The following RBFOX1 variants were observed in gnomAD, a reference collection of about 807,000 sequenced individuals.
RBFOX1 encodes RNA binding fox-1 homolog 1, also known as RNA binding protein fox-1 homolog 1.
In RBFOX1, 8 loss-of-function variants were observed where a neutral mutation model predicts 57.7. The observed-to-expected ratio is 0.14, with a 90% CI of 0.08 to 0.25. RBFOX1 has a LOEUF of 0.25. Among genes scored for constraint, RBFOX1 ranks in the 10% least tolerant of loss-of-function variants. RBFOX1 has a pLI of 1.00. For synonymous variants in RBFOX1, 326 were observed against 222.4 expected (o/e 1.47, Z -4.15); for missense variants, 611 against 548.5 (o/e 1.11, Z -1.14).
intron 3 of RBFOX1, among the ~76,000 whole-genome samples, chr16:5,693,575 C>T (rs1016177456): frequency 6.6e-6 from 1 of 152,050 alleles, no homozygotes; most frequent in Admixed American, 6.5e-5. Context: ...AGGTCAGGCC[C>T]TTCTTTCAAT....
At chr16:5,246,430 T>G (rs2062301813) in intron 1 of RBFOX1, among the ~76,000 whole-genome samples, 1 of 152,112 alleles carries the variant, frequency 6.6e-6, no homozygotes. Flanking sequence ...CTAAATAACA[T>G]ATCACCTCCT....
intron 4 of RBFOX1, among the ~76,000 whole-genome samples, chr16:7,058,018 A>AAAAC (rs1568581368): frequency 1.3e-5 from 2 of 151,644 alleles, no homozygotes; most frequent in African/African-American, 2.4e-5. Context: ...AAAAAAAAAA[A>AAAAC]AAAACACGAA....
intron 2 of RBFOX1, among the ~76,000 whole-genome samples, chr16:6,627,260 G>GAAGGC (rs1260324263): frequency 1.3e-5 from 2 of 152,326 alleles, no homozygotes; most frequent in African/African-American, 4.8e-5. Flanking sequence ...CTGGCCTCTA[G>GAAGGC]AAGGCGGGGC....
At chr16:7,670,999 G>A (rs893318120) in intron 13 of RBFOX1, among the ~76,000 whole-genome samples, 4 of 152,156 alleles carry the variant, frequency 2.6e-5, no homozygotes, top group Non-Finnish European at 4.4e-5. Flanking sequence ...TATACTCACA[G>A]TTCTCTAGTC....
chr16:7,472,288 GAGTACCATGTATTTACCAAATTACCAAA>G (rs757905665), intron 4 of RBFOX1, among the ~76,000 whole-genome samples: 2,335 of 144,348 alleles, frequency 0.016, 21 homozygotes, highest in Middle Eastern at 0.048. Flanking sequence ...TAAATACATG[GAGTACCATGTATTTACCAAATTACCAAA>G]TAGTAATTTG....
rs532363159 is a variant in RBFOX1 at position 6,534,740 on chromosome 16, G to T, written c.-63-119863G>T. The stretch of plus-strand genomic sequence containing the variant: ...GCACAGAATGCAAAGAGGGAGAAGG[G>T]AATTTTCTAAGGAGATGGCATTTCT... On this transcript the variant is annotated intron_variant, in intron 2 of 15. Coordinates refer to ENST00000550418, the MANE Select transcript of RBFOX1 (RefSeq NM_018723.4). Among the ~76,000 whole-genome samples, 8 of 152,244 alleles carry T rather than the reference G, an allele frequency of 5.3e-5. No homozygotes were observed. In the South Asian group the frequency reaches 1.7e-3, roughly 32 times the overall value.
At position 6,449,604 on chromosome 16, in the gene RBFOX1, A is replaced by G. The variant is rs527468941; in HGVS notation, c.-64+132547A>G. Reference sequence around the variant, plus strand: ...ACAGAGCCTTATGATGGGCACTGGGATGTGGAAGGAGTGGTATCAAAGGAA... The same window carrying G: ...ACAGAGCCTTATGATGGGCACTGGGGTGTGGAAGGAGTGGTATCAAAGGAA... On this transcript the variant is annotated intron_variant, in intron 2 of 15. Coordinates refer to ENST00000550418, the MANE Select transcript of RBFOX1 (RefSeq NM_018723.4). Among the ~76,000 whole-genome samples, 59 of 152,286 alleles carry G rather than the reference A, an allele frequency of 3.9e-4. 1 individual carries two copies. Among genetic ancestry groups the G allele is most frequent in the African/African-American group, 1.3e-3 (56 of 41,548 alleles).
chr16:7,159,948 A>G (rs2077950782), intron 4 of RBFOX1, among the ~76,000 whole-genome samples: 1 of 152,196 alleles, frequency 6.6e-6, no homozygotes, highest in Admixed American at 6.5e-5. Context: ...TTTTCACTAA[A>G]TATCAGAATT....
chr16:6,956,925 C>G (rs1033000209), intron 3 of RBFOX1, among the ~76,000 whole-genome samples: 1 of 151,870 alleles, frequency 6.6e-6, no homozygotes, highest in Non-Finnish European at 1.5e-5. Context: ...GGGTCCAGAT[C>G]CAGACCCCAA....
chr16:6,609,035 C>G (rs931334203), intron 2 of RBFOX1, among the ~76,000 whole-genome samples: 1 of 152,186 alleles, frequency 6.6e-6, no homozygotes, highest in African/African-American at 2.4e-5. Context: ...CTGTCTCCCT[C>G]TCCCATATTT....
At chr16:6,332,958 T>G (rs1369912394) in intron 2 of RBFOX1, among the ~76,000 whole-genome samples, 1 of 152,228 alleles carries the variant, frequency 6.6e-6, no homozygotes, top group East Asian at 1.9e-4. Context: ...ATCATAATCA[T>G]TATTTAATAT....
At chr16:6,841,621 C>G (rs1265426107) in intron 3 of RBFOX1, among the ~76,000 whole-genome samples, 2 of 152,106 alleles carry the variant, frequency 1.3e-5, no homozygotes, top group African/African-American at 4.8e-5. Context: ...TCAAAACTCT[C>G]ACGAATGCTT....
intron 2 of RBFOX1, among the ~76,000 whole-genome samples, chr16:5,499,232 A>G (rs1159716782): frequency 1.3e-5 from 2 of 152,218 alleles, no homozygotes; most frequent in African/African-American, 4.8e-5. Flanking sequence ...CGTGGAAAAG[A>G]CACTCAAATA....
intron 4 of RBFOX1, among the ~76,000 whole-genome samples, chr16:7,061,865 C>A (rs4541090): frequency 3.3e-5 from 5 of 151,968 alleles, no homozygotes; most frequent in African/African-American, 1.2e-4. Flanking sequence ...AAAAAAAATA[C>A]GTGATAGGCA....
intron 4 of RBFOX1, among the ~76,000 whole-genome samples, chr16:5,986,178 C>G (rs1442993433): frequency 3.3e-5 from 5 of 151,890 alleles, no homozygotes; most frequent in African/African-American, 1.2e-4. Flanking sequence ...ATTCTCCTGC[C>G]TCAGCCTCCC....
intron 2 of RBFOX1, among the ~76,000 whole-genome samples, chr16:6,429,129 G>A (rs1037023304): frequency 1.3e-5 from 2 of 152,228 alleles, no homozygotes; most frequent in African/African-American, 4.8e-5. Context: ...GCTGTGAAAT[G>A]TCGTGGCTGC....
At chr16:6,731,553 C>G (rs1013106315) in intron 3 of RBFOX1, among the ~76,000 whole-genome samples, 1 of 152,070 alleles carries the variant, frequency 6.6e-6, no homozygotes. Context: ...TGCCCATGCA[C>G]AATAGGAGAC....
intron 11 of RBFOX1, among the ~76,000 whole-genome samples, chr16:7,648,730 T>A (rs889420953): frequency 4.6e-5 from 7 of 152,170 alleles, no homozygotes; most frequent in Non-Finnish European, 7.3e-5. Context: ...TTAATAGGTG[T>A]TACCTGTCTG....
At position 5,326,225 on chromosome 16, in the gene RBFOX1, G is replaced by C. The variant is rs80282556; in HGVS notation, c.219+86120G>C. ...TTGCAATACTTACCCTCCTTCTATA[G>C]GTGGGATATTGTAAATTCAGAGAGC... On this transcript the variant is annotated intron_variant, in intron 1 of 2. Transcript: ENST00000585867. Among the ~76,000 whole-genome samples the C allele has an allele frequency of 4.4e-3, 663 of 152,260 alleles. 3 individuals carry two copies. The highest frequency in any genetic ancestry group is 0.015 in the African/African-American group (634 of 41,560).
Sources: gnomAD v4.1 joint callset for allele counts (sites outside exome capture counted in the v4.1 genomes callset) on GRCh38, gnomAD v4.1.1 for gene constraint, MANE v1.5 for transcripts, NCBI Gene and HGNC (gene_info 2026-07-23, HGNC 2026-07-21) for gene names.